Variants in KHDRBS3 observed in about 807,000 individuals in gnomAD.
KHDRBS3 encodes KH RNA binding domain containing, signal transduction associated 3.
KHDRBS3 carries 23 observed loss-of-function variants against 45.6 expected under a neutral mutation model. The ratio of observed to expected loss-of-function variants is 0.50; its 90% CI spans 0.36 to 0.72. KHDRBS3 has a LOEUF of 0.72. KHDRBS3 is among the 30% of genes least tolerant of loss of function. KHDRBS3 has a pLI of 0.00. For synonymous variants in KHDRBS3, 162 were observed against 156.5 expected (o/e 1.04, Z -0.26); for missense variants, 352 against 424.8 (o/e 0.83, Z 1.51).
At chr8:135,462,955 G>C (rs1343606490) in intron 1 of KHDRBS3, among the ~76,000 whole-genome samples, 1 of 152,142 alleles carries the variant, frequency 6.6e-6, no homozygotes, top group Non-Finnish European at 1.5e-5. Context: ...TCTAGCCTGT[G>C]CTGAATTGAA....
At chr8:135,642,967 T>C (rs920454461) in intron 7 of KHDRBS3, among the ~76,000 whole-genome samples, 1 of 151,732 alleles carries the variant, frequency 6.6e-6, no homozygotes, top group Admixed American at 6.6e-5. Flanking sequence ...TTTTATATAC[T>C]TTTTTTTAGT....
intron 1 of KHDRBS3, among the ~76,000 whole-genome samples, chr8:135,487,249 A>T (rs1286550706): frequency 1.3e-5 from 2 of 152,208 alleles, no homozygotes; most frequent in Non-Finnish European, 2.9e-5. Flanking sequence ...TTCCTCCTGC[A>T]ACCTATCATG....
chr8:135,500,767 G>T lies in KHDRBS3; in HGVS notation c.89-20470G>T, dbSNP rs1054401551. On this transcript the variant is annotated intron_variant, in intron 1 of 8. Coordinates refer to ENST00000355849, the MANE Select transcript of KHDRBS3 (RefSeq NM_006558.3). Reference sequence around the variant, plus strand: ...CCACACTCCAGGTGCTCTGCTGAGGGCTGGCATTTAGCCACGAGTAAGACA... The same window carrying T: ...CCACACTCCAGGTGCTCTGCTGAGGTCTGGCATTTAGCCACGAGTAAGACA... Among the ~76,000 whole-genome samples the T allele has an allele frequency of 2.0e-5, 3 of 152,176 alleles. No homozygotes were observed. In the East Asian group the frequency reaches 5.8e-4, roughly 29 times the overall value.
chr8:135,545,604 G>GCACCC (rs1826259498), intron 3 of KHDRBS3, among the ~76,000 whole-genome samples: 1 of 152,132 alleles, frequency 6.6e-6, no homozygotes, highest in African/African-American at 2.4e-5. Flanking sequence ...TGCAAGCGGT[G>GCACCC]CACCCTAGCT....
chr8:135,632,703 C>T (rs778404941), intron 7 of KHDRBS3, among the ~76,000 whole-genome samples: 1 of 152,066 alleles, frequency 6.6e-6, no homozygotes. Flanking sequence ...TTTCACTCAA[C>T]CGGGATTTTA....
chr8:135,469,530 T>TGTTTTTG (rs1821893186), intron 1 of KHDRBS3, among the ~76,000 whole-genome samples: 2 of 37,924 alleles, frequency 5.3e-5, no homozygotes, highest in African/African-American at 1.8e-4. Context: ...TTGGTTTTTT[T>TGTTTTTG]TTTTTTTTTT....
chr8:135,614,570 A>C (rs781048481), intron 7 of KHDRBS3, among the ~76,000 whole-genome samples: 1 of 151,814 alleles, frequency 6.6e-6, no homozygotes, highest in Non-Finnish European at 1.5e-5. Context: ...GTGCTAATAG[A>C]AATTGAGCAT....
chr8:135,571,223 AT>A (rs1338790545), intron 5 of KHDRBS3, among the ~76,000 whole-genome samples: 3 of 152,110 alleles, frequency 2.0e-5, no homozygotes, highest in East Asian at 3.9e-4. Flanking sequence ...TTGCCAACTT[AT>A]TTTTTCCTAA....
intron 5 of KHDRBS3, among the ~76,000 whole-genome samples, chr8:135,568,694 A>T (rs190586118): frequency 1.2e-3 from 186 of 152,356 alleles, no homozygotes; most frequent in African/African-American, 4.3e-3. Flanking sequence ...AGAACTAGTG[A>T]AAGTAATAAA....
chr8:135,534,693 A>G (rs1247897569), intron 2 of KHDRBS3, among the ~76,000 whole-genome samples: 1 of 152,138 alleles, frequency 6.6e-6, no homozygotes, highest in Non-Finnish European at 1.5e-5. Flanking sequence ...TGCCCCCATG[A>G]CCATACATGC....
intron 7 of KHDRBS3, among the ~76,000 whole-genome samples, chr8:135,627,770 A>G (rs548188353): frequency 4.1e-4 from 62 of 152,296 alleles, no homozygotes; most frequent in Middle Eastern, 3.4e-3. Context: ...GATGTTGCCT[A>G]TCAGTTATCT....
chr8:135,646,544 T>C (rs1284667753), intron 8 of KHDRBS3, among the ~76,000 whole-genome samples: 2 of 152,212 alleles, frequency 1.3e-5, no homozygotes, highest in African/African-American at 4.8e-5. Context: ...TGCTCTCCGG[T>C]TTTCTTCTTT....
chr8:135,494,270 C>CTTTTT (rs1156554377), intron 1 of KHDRBS3, among the ~76,000 whole-genome samples: 2 of 118,766 alleles, frequency 1.7e-5, no homozygotes, highest in African/African-American at 3.6e-5. Context: ...TTCTGTTTCT[C>CTTTTT]TTATTTTTTT....
intron 2 of KHDRBS3, among the ~76,000 whole-genome samples, chr8:135,529,930 A>G (rs1432908730): frequency 6.6e-6 from 1 of 152,060 alleles, no homozygotes; most frequent in Non-Finnish European, 1.5e-5. Flanking sequence ...GGGTGCCTGT[A>G]GTCCCAGCTA....
intron 1 of KHDRBS3, among the ~76,000 whole-genome samples, chr8:135,516,322 C>T (rs967286409): frequency 1.3e-4 from 20 of 152,154 alleles, no homozygotes; most frequent in Non-Finnish European, 2.9e-4. Flanking sequence ...GTCATTACTG[C>T]ACACTTTTAT....
At chr8:135,642,901 C>T (rs573152650) in intron 7 of KHDRBS3, among the ~76,000 whole-genome samples, 1 of 152,002 alleles carries the variant, frequency 6.6e-6, no homozygotes, top group Non-Finnish European at 1.5e-5. Context: ...CAAGCAGTTC[C>T]CCTGCCTCAG....
At chr8:135,477,054 A>G (rs1302048399) in intron 1 of KHDRBS3, among the ~76,000 whole-genome samples, 4 of 152,206 alleles carry the variant, frequency 2.6e-5, no homozygotes, top group African/African-American at 7.2e-5. Flanking sequence ...AATAATGACA[A>G]TGATAACTAC....
intron 2 of KHDRBS3, 33 bp from the exon 3 acceptor site, chr8:135,542,619 TAA>T: frequency 7.3e-7 from 1 of 1,363,024 alleles, no homozygotes; most frequent in African/African-American, 1.4e-5. Flanking sequence ...CTTTCACATA[TAA>T]ATGCTACAAA....
intron 7 of KHDRBS3, among the ~76,000 whole-genome samples, chr8:135,636,543 A>G (rs539324585): frequency 1.3e-5 from 2 of 152,338 alleles, no homozygotes; most frequent in African/African-American, 2.4e-5. Context: ...TTCGTGGGTC[A>G]CACTTTAGAA....
Sources: allele counts gnomAD v4.1 joint callset (sites outside exome capture counted in the v4.1 genomes callset), GRCh38; gene constraint gnomAD v4.1.1; transcripts MANE v1.5; gene names NCBI Gene and HGNC (gene_info 2026-07-23, HGNC 2026-07-21).